Variants in HS3ST4 observed in about 807,000 individuals in gnomAD.
The protein encoded by HS3ST4 is heparan sulfate-glucosamine 3-sulfotransferase 4.
In HS3ST4, 17 loss-of-function variants were observed where a neutral mutation model predicts 29.2. The ratio of observed to expected loss-of-function variants is 0.58; its 90% CI spans 0.40 to 0.87. The LOEUF is 0.87. HS3ST4 is among the 40% of genes least tolerant of loss of function. The pLI, the probability that HS3ST4 is intolerant of heterozygous loss-of-function variation, is 0.00. For missense variants in HS3ST4, 627 were observed against 634.5 expected (o/e 0.99, Z 0.13); for synonymous variants, 314 against 285.7 (o/e 1.10, Z -1.00).
chr16:26,090,670 A>G (rs766723454), intron 1 of HS3ST4, among the ~76,000 whole-genome samples: 1 of 152,160 alleles, frequency 6.6e-6, no homozygotes, highest in South Asian at 2.1e-4. Flanking sequence ...TTGTGCCACC[A>G]TCCAAAGGGC....
chr16:25,771,499 C>A (rs544637338), intron 1 of HS3ST4, among the ~76,000 whole-genome samples: 1 of 152,074 alleles, frequency 6.6e-6, no homozygotes, highest in African/African-American at 2.4e-5. Flanking sequence ...GTGTACCTTT[C>A]CTCCTCCTTT....
At chr16:26,093,742 A>G (rs1898886718) in intron 1 of HS3ST4, among the ~76,000 whole-genome samples, 3 of 152,206 alleles carry the variant, frequency 2.0e-5, no homozygotes, top group African/African-American at 7.2e-5. Context: ...GCAACGGAAC[A>G]AAGCTGGACG....
At chr16:26,046,713 GTATATA>G (rs560229651) in intron 1 of HS3ST4, among the ~76,000 whole-genome samples, 1 of 150,156 alleles carries the variant, frequency 6.7e-6, no homozygotes, top group South Asian at 2.1e-4. Context: ...GTATATATGT[GTATATA>G]TATATATATG....
intron 1 of HS3ST4, among the ~76,000 whole-genome samples, chr16:25,990,805 TA>T (rs1446560709): frequency 6.6e-6 from 1 of 152,188 alleles, no homozygotes. Context: ...TGGTCAATTT[TA>T]AAAAAATGAT....
rs546370898 is a variant in HS3ST4, at chr16:25,737,648, T to A, written c.734+44497T>A. On this transcript the variant is annotated intron_variant, in intron 1 of 1. Transcript: ENST00000331351. Reference sequence around the variant, plus strand: ...CTTACTGGGTACAATGTACATTACTTGAGTAATGGTTACACCAAAAGCCCA... The same window carrying A: ...CTTACTGGGTACAATGTACATTACTAGAGTAATGGTTACACCAAAAGCCCA... Among the ~76,000 whole-genome samples the A allele has an allele frequency of 2.6e-5, 4 of 152,240 alleles. No individual in the cohort carries two copies. In the East Asian group the frequency reaches 5.8e-4, roughly 22 times the overall value.
intron 1 of HS3ST4, among the ~76,000 whole-genome samples, chr16:25,776,773 T>C (rs1044037743): frequency 2.0e-5 from 3 of 152,196 alleles, no homozygotes; most frequent in Non-Finnish European, 4.4e-5. Context: ...TTCAGTTCTT[T>C]CCTTGTTCCA....
chr16:26,111,236 A>G (rs981280771), intron 1 of HS3ST4, among the ~76,000 whole-genome samples: 3 of 149,676 alleles, frequency 2.0e-5, no homozygotes, highest in African/African-American at 7.3e-5. Context: ...ATACCAGCAC[A>G]TCTGGCTAAT....
In HS3ST4 at chr16:25,806,677, T is replaced by G. The variant is rs143329494; in HGVS notation, c.734+113526T>G. On this transcript the variant is annotated intron_variant, in intron 1 of 1. Transcript: ENST00000331351. ...AGTGGTAAGAAATAATGTGGAGAGA[T>G]AGCATACATTCCTCATGCAGTTTTT... is the stretch of plus-strand genomic sequence containing the variant. 1.8e-4 allele frequency among the ~76,000 whole-genome samples: 27 copies of G among 152,310 alleles called. No individual in the cohort carries two copies. In the East Asian group the frequency reaches 4.8e-3, roughly 27 times the overall value.
At chr16:25,909,105 C>T (rs1228042281) in intron 1 of HS3ST4, among the ~76,000 whole-genome samples, 2 of 152,234 alleles carry the variant, frequency 1.3e-5, no homozygotes, top group Non-Finnish European at 2.9e-5. Context: ...CCCTAATATG[C>T]ACACTAGTCG....
intron 1 of HS3ST4, among the ~76,000 whole-genome samples, chr16:25,808,047 A>C (rs1967005375): frequency 6.6e-6 from 1 of 151,884 alleles, no homozygotes; most frequent in South Asian, 2.1e-4. Flanking sequence ...CAGATGTGTG[A>C]TTTGTAGATA....
intron 1 of HS3ST4, among the ~76,000 whole-genome samples, chr16:26,075,967 G>A (rs12325041): frequency 4.9e-4 from 74 of 152,110 alleles, no homozygotes; most frequent in African/African-American, 1.7e-3. Context: ...TTTGTTTTCC[G>A]AGTATAATCC....
At chr16:25,748,252 C>A (rs887702732) in intron 1 of HS3ST4, among the ~76,000 whole-genome samples, 1 of 152,060 alleles carries the variant, frequency 6.6e-6, no homozygotes, top group Non-Finnish European at 1.5e-5. Flanking sequence ...CCGCTCCCCT[C>A]CCCCCCTTTA....
chr16:26,096,034 CTA>C (rs1898921848), intron 1 of HS3ST4, among the ~76,000 whole-genome samples: 3 of 152,234 alleles, frequency 2.0e-5, no homozygotes, highest in Non-Finnish European at 4.4e-5. Flanking sequence ...GGATAAATTC[CTA>C]TACACATACA....
intron 1 of HS3ST4, among the ~76,000 whole-genome samples, chr16:25,703,896 T>C (rs1438298677): frequency 6.6e-6 from 1 of 152,226 alleles, no homozygotes; most frequent in Admixed American, 6.5e-5. Context: ...AAATAACTTC[T>C]TCCACTTCTG....
chr16:26,006,679 C>T (rs1901607788), intron 1 of HS3ST4, among the ~76,000 whole-genome samples: 1 of 152,132 alleles, frequency 6.6e-6, no homozygotes, highest in Non-Finnish European at 1.5e-5. Context: ...GTGCAAAAAC[C>T]TGAAAAGACA....
chr16:25,864,555 C>T (rs1336721120), intron 1 of HS3ST4, among the ~76,000 whole-genome samples: 1 of 152,134 alleles, frequency 6.6e-6, no homozygotes, highest in African/African-American at 2.4e-5. Flanking sequence ...TTCCCCCTCC[C>T]ACTCCCTTTC....
At chr16:25,909,728 C>T (rs1387119468) in intron 1 of HS3ST4, among the ~76,000 whole-genome samples, 2 of 152,168 alleles carry the variant, frequency 1.3e-5, no homozygotes, top group Admixed American at 6.5e-5. Flanking sequence ...TAGTCTTTAT[C>T]GTGAGTCTCT....
At chr16:25,982,080 C>G (rs1253042126) in intron 1 of HS3ST4, among the ~76,000 whole-genome samples, 2 of 152,126 alleles carry the variant, frequency 1.3e-5, no homozygotes, top group African/African-American at 4.8e-5. Flanking sequence ...GGTTTCTGTC[C>G]ACGTGCCCAG....
intron 1 of HS3ST4, among the ~76,000 whole-genome samples, chr16:25,896,284 A>G (rs923526977): frequency 2.6e-5 from 4 of 152,152 alleles, no homozygotes; most frequent in African/African-American, 9.7e-5. Context: ...ATAGCCTTCA[A>G]CCCTCATTTT....
Sources: gnomAD v4.1 joint callset for allele counts (sites outside exome capture counted in the v4.1 genomes callset) on GRCh38, gnomAD v4.1.1 for gene constraint, MANE v1.5 for transcripts, NCBI Gene and HGNC (gene_info 2026-07-23, HGNC 2026-07-21) for gene names.